NDST3: variants seen among roughly 807,000 people sequenced by gnomAD.
The protein encoded by NDST3 is N-deacetylase and N-sulfotransferase 3.
In NDST3, 58 loss-of-function variants were observed where a neutral mutation model predicts 96.1. The observed-to-expected ratio is 0.60, with a 90% CI of 0.49 to 0.75. The LOEUF is 0.75. NDST3 is among the 30% of genes least tolerant of loss of function. The probability of loss-of-function intolerance (pLI) is 0.00; values close to 1 mark genes in which losing one functional copy is unlikely to be tolerated. For missense variants in NDST3, 788 were observed against 1,034.2 expected, an observed-to-expected ratio of 0.76 and a Z score of 3.27; for synonymous variants, 333 against 359.7, an observed-to-expected ratio of 0.93 and a Z score of 0.84.
rs1560738650 is a variant in NDST3 at position 118,238,163 on chromosome 4, GAAAGAAAGAAAGAAAGAAA to G, written c.2118+944_2118+962del. 2.5e-3 allele frequency among the ~76,000 whole-genome samples: 96 copies of G among 37,934 alleles called. 1 individual carries two copies. Among genetic ancestry groups the G allele is most frequent in the South Asian group, 4.4e-3 (5 of 1,128 alleles). The allele number at this position is 37,934 out of a possible 152,430, so 24.9% of individuals were successfully genotyped here. A position where few individuals can be genotyped will look rare whatever the true frequency, so the allele number is the denominator to read the frequency against. On this transcript the variant is annotated intron_variant, in intron 10 of 13. Transcript: ENST00000296499. ...AGAGAGAGAAAAGAAAGAAAAGAAAGAAAGAAAGAAAGAAAGAAAGAAAGAAAGAAAGAAAGAAAGAAAG... is the reference window on the plus strand; with the variant it reads ...AGAGAGAGAAAAGAAAGAAAAGAAAGGAAAGAAAGAAAGAAAGAAAGAAAG...
intron 5 of NDST3, among the ~76,000 whole-genome samples, chr4:118,139,921 A>G (rs1733430858): frequency 6.6e-6 from 1 of 152,060 alleles, no homozygotes; most frequent in African/African-American, 2.4e-5. Flanking sequence ...TTATCTATTT[A>G]CAGGTTCCAT....
chr4:118,075,247 C>G (rs2125808208), intron 2 of NDST3, among the ~76,000 whole-genome samples: 1 of 152,278 alleles, frequency 6.6e-6, no homozygotes, highest in South Asian at 2.1e-4. Context: ...TTTTTTATGG[C>G]ATAGTATTCC....
chr4:118,066,211 T>A (rs1156715052), intron 2 of NDST3, among the ~76,000 whole-genome samples: 2 of 69,902 alleles, frequency 2.9e-5, no homozygotes, highest in African/African-American at 1.2e-4. Context: ...TTTTATATAT[T>A]ATACATAATA....
At chr4:118,071,695 T>C (rs1727089968) in intron 2 of NDST3, among the ~76,000 whole-genome samples, 1 of 152,188 alleles carries the variant, frequency 6.6e-6, no homozygotes. Context: ...TCTATGTCTT[T>C]ACTATTGTGA....
chr4:118,114,682 C>T (rs62326125), intron 3 of NDST3, 124 bp from the exon 4 acceptor site: 22,105 of 1,069,304 alleles, frequency 0.021, 287 homozygotes, highest in Middle Eastern at 0.031. Context: ...AAGCCTTATA[C>T]GTAAAACAGA....
intron 3 of NDST3, among the ~76,000 whole-genome samples, chr4:118,112,872 T>C (rs1014662672): frequency 1.3e-5 from 2 of 152,166 alleles, no homozygotes; most frequent in South Asian, 4.1e-4. Flanking sequence ...AGAATGCTGG[T>C]GACTCATTCA....
intron 2 of NDST3, among the ~76,000 whole-genome samples, chr4:118,102,680 G>T (rs1266452459): frequency 1.3e-5 from 2 of 152,016 alleles, no homozygotes; most frequent in East Asian, 1.9e-4. Flanking sequence ...TTTTACAAGG[G>T]TTAGGCCAGT....
At chr4:118,066,249 TTATATATTA>T (rs1391398111) in intron 2 of NDST3, among the ~76,000 whole-genome samples, 5 of 38,518 alleles carry the variant, frequency 1.3e-4, no homozygotes, top group African/African-American at 4.5e-4. Context: ...ATTATATATA[TTATATATTA>T]TATATATTAT....
Position 118,253,582 on chromosome 4 carries a change from AC to A in NDST3, c.2486del (p.Pro829LeufsTer37). On this transcript the variant is annotated frameshift_variant, in exon 13 of 14. Coordinates refer to ENST00000296499, the MANE Select transcript of NDST3 (RefSeq NM_004784.3). LOFTEE classifies it high-confidence loss of function. ...KCLGKSKGRK[Y>X]PPMDSDSRTF... ...CTTGGAAAGAGCAAAGGAAGAAAATACCCTCCAATGGATTCTGATGTAAGCA... is the reference window on the plus strand; with the variant it reads ...CTTGGAAAGAGCAAAGGAAGAAAATACCTCCAATGGATTCTGATGTAAGCA... 3.1e-6 allele frequency: 5 copies of A among 1,610,504 alleles called. No individual in the cohort carries two copies. The highest frequency in any genetic ancestry group is 4.2e-6 in the Non-Finnish European group (5 of 1,177,404).
At chr4:118,071,508 C>T (rs1340148614) in intron 2 of NDST3, among the ~76,000 whole-genome samples, 5 of 152,106 alleles carry the variant, frequency 3.3e-5, no homozygotes, top group African/African-American at 1.2e-4. Flanking sequence ...TGAGAACATG[C>T]AGTATTTGGC....
intron 6 of NDST3, among the ~76,000 whole-genome samples, chr4:118,219,253 A>G (rs977331254): frequency 6.6e-6 from 1 of 152,190 alleles, no homozygotes; most frequent in African/African-American, 2.4e-5. Flanking sequence ...AAGCAAAAAG[A>G]ACAATGCTGG....
chr4:118,146,973 A>G (rs1307702522), intron 6 of NDST3, among the ~76,000 whole-genome samples: 1 of 152,238 alleles, frequency 6.6e-6, no homozygotes, highest in Non-Finnish European at 1.5e-5. Context: ...TGTTAATCAT[A>G]GGAACTTGTA....
chr4:118,148,285 G>A (rs958594372), intron 6 of NDST3, among the ~76,000 whole-genome samples: 4 of 152,118 alleles, frequency 2.6e-5, no homozygotes, highest in African/African-American at 9.7e-5. Context: ...GCGACAGAGC[G>A]AGACTCTGTC....
intron 6 of NDST3, chr4:118,194,181 G>A (rs1398159406): frequency 1.3e-6 from 1 of 786,042 alleles, no homozygotes; most frequent in Non-Finnish European, 2.3e-6. Context: ...AGACCATAAG[G>A]CAGATCCAGA....
At chr4:118,203,399 T>G (rs1239819799) in intron 6 of NDST3, among the ~76,000 whole-genome samples, 1 of 152,180 alleles carries the variant, frequency 6.6e-6, no homozygotes, top group African/African-American at 2.4e-5. Flanking sequence ...ATCAGTTCTT[T>G]GTATGTCTGG....
intron 6 of NDST3, among the ~76,000 whole-genome samples, chr4:118,164,734 A>G (rs141906760): frequency 6.6e-6 from 1 of 152,174 alleles, no homozygotes; most frequent in East Asian, 1.9e-4. Flanking sequence ...TCTGATACTC[A>G]AGTTAAAAGG....
At chr4:118,254,038 C>T (rs1303741156) in intron 13 of NDST3, among the ~76,000 whole-genome samples, 3 of 151,930 alleles carry the variant, frequency 2.0e-5, no homozygotes, top group South Asian at 2.1e-4. Flanking sequence ...GTCAGGAGTT[C>T]GAGACCAGCC....
intron 2 of NDST3, among the ~76,000 whole-genome samples, chr4:118,087,405 A>G (rs150510209): frequency 7.9e-5 from 12 of 152,226 alleles, no homozygotes; most frequent in African/African-American, 2.6e-4. Context: ...ATCCTGGAAG[A>G]TCCCCTGTAT....
At chr4:118,050,171 A>G (rs188034539) in intron 1 of NDST3, among the ~76,000 whole-genome samples, 1 of 152,320 alleles carries the variant, frequency 6.6e-6, no homozygotes, top group East Asian at 1.9e-4. Context: ...GCTTTCAATA[A>G]AATTCAACAT....
Sources: gnomAD v4.1 joint callset for allele counts (sites outside exome capture counted in the v4.1 genomes callset) on GRCh38, gnomAD v4.1.1 for gene constraint, MANE v1.5 for transcripts, NCBI Gene and HGNC (gene_info 2026-07-23, HGNC 2026-07-21) for gene names.